The following HSPD1 variants were observed in gnomAD, a reference collection of about 807,000 sequenced individuals.
HSPD1 encodes heat shock protein family D (Hsp60) member 1, also known as 60 kDa heat shock protein, mitochondrial.
Under a neutral mutation model 53.0 loss-of-function variants are expected in HSPD1, and 3 were observed. That is an observed-to-expected ratio of 0.06 (90% confidence interval 0.03 to 0.15). The LOEUF (loss-of-function observed/expected upper bound fraction) is 0.15. HSPD1 is among the 10% of genes least tolerant of loss of function. The pLI is 1.00. For missense variants in HSPD1, 431 were observed against 694.1 expected (o/e 0.62, Z 4.26); for synonymous variants, 200 against 228.0 (o/e 0.88, Z 1.10).
intron 4 of HSPD1, 195 bp from the exon 5 acceptor site, chr2:197,494,947 A>T: frequency 3.2e-6 from 2 of 621,582 alleles, no homozygotes; most frequent in Non-Finnish European, 5.8e-6. Context: ...CATTGTTTTG[A>T]AGAATATGAT....
rs1174280053 is a variant in HSPD1 at position 197,495,313 on chromosome 2, G to A, written c.491C>T (p.Thr164Ile). 4.4e-6 allele frequency: 7 copies of A among 1,606,294 alleles called. No individual in the cohort carries two copies. In the Admixed American group the frequency reaches 1.0e-4, roughly 23 times the overall value. Residue 164 changes from threonine to isoleucine, a missense_variant, in exon 4 of 12, where the codon ACC becomes ATC. Physicochemically the swap from Thr to Ile is moderately conservative, Grantham distance 89. Coordinates refer to ENST00000388968, the MANE Select transcript of HSPD1 (RefSeq NM_002156.5). ...ELKKQSKPVT[T>I]PEEIAQVATI... Reference sequence around the variant, plus strand: ...CCTTACCTGTGCAATTTCTTCAGGGGTGGTCACAGGTTTAGACTGCTTTTT... The same window carrying A: ...CCTTACCTGTGCAATTTCTTCAGGGATGGTCACAGGTTTAGACTGCTTTTT...
chr2:197,489,274 G>A (rs1458078662), intron 8 of HSPD1, 27 bp from the exon 9 acceptor site: 1 of 1,613,176 alleles, frequency 6.2e-7, no homozygotes, highest in African/African-American at 1.3e-5. Flanking sequence ...ACGTAAACCT[G>A]TTGTAGGTTA....
intron 5 of HSPD1, 48 bp downstream of exon 5, chr2:197,494,609 G>T: frequency 1.2e-6 from 1 of 847,832 alleles, no homozygotes; most frequent in South Asian, 1.5e-5. Context: ...TCAAACTTTT[G>T]ATCATAAGAT....
chr2:197,487,248 G>A (rs2086037778), intron 11 of HSPD1, 50 bp from the exon 12 acceptor site: 2 of 1,542,414 alleles, frequency 1.3e-6, no homozygotes, highest in Non-Finnish European at 1.8e-6. Context: ...ATATGAGCAA[G>A]ACTTATTGAA....
rs781225976 is a variant in HSPD1, at chr2:197,495,359, C to T, written c.445G>A (p.Asp149Asn). The change falls in exon 4 of 12, where the codon GAT becomes AAT. Residue 149 changes from aspartate (D) to asparagine (N), a missense_variant. Asp to Asn is a conservative substitution (Grantham distance 23, BLOSUM62 1). Around this residue, in one of 2 missense-constraint regions of HSPD1, gnomAD observed 386 missense variants for 657.6 expected, o/e 0.59. Transcript: ENST00000388968. ...EIRRGVMLAV[D>N]AVIAELKKQS... ...TTTTTAAGTTCAGCAATTACAGCATCAACAGCTAACATCACACCTAGTTCA... is the reference window on the plus strand; with the variant it reads ...TTTTTAAGTTCAGCAATTACAGCATTAACAGCTAACATCACACCTAGTTCA... 1 of 1,605,352 alleles carries T rather than the reference C, an allele frequency of 6.2e-7. No homozygotes were observed. The highest frequency in any genetic ancestry group is 1.3e-5 in the African/African-American group (1 of 74,684).
At chr2:197,494,310 A>G in intron 5 of HSPD1, 60 bp from the exon 6 acceptor site, 1 of 867,426 alleles carries the variant, frequency 1.2e-6, no homozygotes, top group Admixed American at 1.7e-5. Flanking sequence ...ATGGAATTAC[A>G]GGCCAGATTA....
chr2:197,489,332 T>C (rs2086063287), intron 8 of HSPD1, 85 bp from the exon 9 acceptor site: 1 of 1,327,816 alleles, frequency 7.5e-7, no homozygotes, highest in Non-Finnish European at 1.1e-6. Flanking sequence ...TGCAAGAGAA[T>C]CATCAAAATA....
intron 2 of HSPD1, among the ~76,000 whole-genome samples, chr2:197,497,751 C>T (rs1574603641): frequency 6.6e-6 from 1 of 152,330 alleles, no homozygotes; most frequent in Non-Finnish European, 1.5e-5. Context: ...AGTAATGTGA[C>T]TTGTTTTAAA....
chr2:197,499,084 T>A (rs2086201785), intron 1 of HSPD1: 2 of 583,354 alleles, frequency 3.4e-6, no homozygotes, highest in East Asian at 3.0e-5. Context: ...ACAAAGCACA[T>A]GCGGCTCCTT....
At chr2:197,499,760 G>C (rs1399675164) in intron 1 of HSPD1, 22 bp downstream of exon 1, 1 of 152,282 alleles carries the variant, frequency 6.6e-6, no homozygotes, top group African/African-American at 2.4e-5. Context: ...CCGGGGGGAG[G>C]TGGTGCGGGA....
intron 7 of HSPD1, among the ~76,000 whole-genome samples, chr2:197,493,009 A>G (rs1194425809): frequency 6.6e-6 from 1 of 151,924 alleles, no homozygotes; most frequent in Non-Finnish European, 1.5e-5. Context: ...TCTGTCTCAA[A>G]AAAAAAAAAT....
intron 3 of HSPD1, among the ~76,000 whole-genome samples, chr2:197,496,593 T>C (rs2086159851): frequency 6.6e-6 from 1 of 152,240 alleles, no homozygotes; most frequent in South Asian, 2.1e-4. Context: ...TTTAAGTCTA[T>C]ACTGCCATGA....
intron 1 of HSPD1, chr2:197,499,343 G>A (rs887965108): frequency 6.0e-6 from 1 of 166,148 alleles, no homozygotes; most frequent in African/African-American, 2.4e-5. Flanking sequence ...CGCGATGCTG[G>A]GGGCGGCGGC....
chr2:197,496,250 T>C (rs1259402523), intron 3 of HSPD1, among the ~76,000 whole-genome samples: 1 of 152,226 alleles, frequency 6.6e-6, no homozygotes, highest in Admixed American at 6.5e-5. Flanking sequence ...TTGAGAACTG[T>C]TACTTCAAAA....
chr2:197,487,313 G>A (rs2086038376), intron 11 of HSPD1, 115 bp from the exon 12 acceptor site: 3 of 876,224 alleles, frequency 3.4e-6, no homozygotes, highest in Non-Finnish European at 5.6e-6. Context: ...TTGGGAGGCT[G>A]AGGCAGGTAG....
At chr2:197,490,382 A>AG in intron 7 of HSPD1, 86 bp from the exon 8 acceptor site, 12 of 1,023,966 alleles carry the variant, frequency 1.2e-5, no homozygotes, top group Non-Finnish European at 1.8e-5. Context: ...TAGATTACTT[A>AG]GGACTCCCTA....
chr2:197,491,422 AC>A (rs1310916606), intron 7 of HSPD1, among the ~76,000 whole-genome samples: 1 of 151,608 alleles, frequency 6.6e-6, no homozygotes, highest in Non-Finnish European at 1.5e-5. Flanking sequence ...GGCTTCCCAA[AC>A]TGCTGGGATT....
chr2:197,498,407 G>A (rs143630293), intron 2 of HSPD1, among the ~76,000 whole-genome samples: 145 of 152,234 alleles, frequency 9.5e-4, no homozygotes, highest in African/African-American at 3.3e-3. Flanking sequence ...ATTCTACCTC[G>A]AGTTTAAGAA....
At position 197,494,769 on chromosome 2, in the gene HSPD1, AC is replaced by A; in HGVS notation, c.511-18del. 1 of 1,551,906 alleles carries A rather than the reference AC, an allele frequency of 6.4e-7. No homozygotes were observed. On this transcript the variant is annotated intron_variant, in intron 4 of 11. Transcript: ENST00000388968. ...CGTAGCAACCTGAAATAATCCAGTT[AC>A]TCTTCGAAATTAAAAGGTAAGCCTA...
Sources: allele counts gnomAD v4.1 joint callset (sites outside exome capture counted in the v4.1 genomes callset), GRCh38; gene constraint gnomAD v4.1.1; regional missense constraint gnomAD v4.1.1; transcripts MANE v1.5; gene names NCBI Gene and HGNC (gene_info 2026-07-23, HGNC 2026-07-21).